THADA: variants seen among roughly 807,000 people sequenced by gnomAD.
THADA encodes the protein THADA armadillo repeat containing, also known as tRNA (32-2'-O)-methyltransferase regulator THADA.
THADA carries 213 observed loss-of-function variants against 219.8 expected under a neutral mutation model. That is an observed-to-expected ratio of 0.97 (90% CI 0.87 to 1.09). THADA has a LOEUF of 1.09. Ranked by LOEUF, THADA falls within the 50% of genes least tolerant of loss-of-function variation. The pLI, the probability that THADA is intolerant of heterozygous loss-of-function variation, is 0.00. For synonymous variants in THADA, 1,018 were observed against 828.9 expected, an observed-to-expected ratio of 1.23 and a Z score of -3.92; for missense variants, 2,956 against 2,311.3, an observed-to-expected ratio of 1.28 and a Z score of -5.72.
intron 31 of THADA, among the ~76,000 whole-genome samples, chr2:43,293,520 C>A (rs1005316015): frequency 1.4e-4 from 21 of 152,134 alleles, no homozygotes; most frequent in Admixed American, 6.5e-5. Context: ...CACCGAGCCT[C>A]AAAGCTGACC....
At chr2:43,265,761 C>T (rs1354063752) in intron 36 of THADA, among the ~76,000 whole-genome samples, 1 of 152,170 alleles carries the variant, frequency 6.6e-6, no homozygotes, top group Non-Finnish European at 1.5e-5. Context: ...CGAATCTCTT[C>T]TGTCAGTTTC....
At chr2:43,245,060 C>G (rs1668993455) in intron 36 of THADA, among the ~76,000 whole-genome samples, 2 of 152,206 alleles carry the variant, frequency 1.3e-5, no homozygotes, top group South Asian at 4.1e-4. Flanking sequence ...AGGACACATT[C>G]CACATTCCTC....
intron 36 of THADA, among the ~76,000 whole-genome samples, chr2:43,277,951 CTTTTT>C (rs761803232): frequency 1.5e-5 from 2 of 134,462 alleles, no homozygotes; most frequent in Non-Finnish European, 1.6e-5. Context: ...CAATATTGTT[CTTTTT>C]TTTTTTTTTT....
At chr2:43,383,109 G>C (rs957640974) in intron 29 of THADA, among the ~76,000 whole-genome samples, 1 of 152,120 alleles carries the variant, frequency 6.6e-6, no homozygotes, top group African/African-American at 2.4e-5. Context: ...TATGGGATGG[G>C]ACTAAAATGG....
chr2:43,578,562 A>G lies in THADA; in HGVS notation c.767T>C (p.Ile256Thr), dbSNP rs1361514196. Residue 256 changes from isoleucine (I) to threonine (T), a missense_variant, in exon 9 of 38, where the codon ATT becomes ACT. Transcript: ENST00000405975. ...GTGAAACATAGTCTTAATAAAAAGA[A>G]TAATAGCTAATCCAGATGTGCTCTG... is the stretch of plus-strand genomic sequence containing the variant. ...TVQSTSGLAIILFIKTMFHPS... is the reference protein window; with the variant it reads ...TVQSTSGLAITLFIKTMFHPS... 1.2e-6 allele frequency: 2 copies of G among 1,612,988 alleles called. No individual in the cohort carries two copies. The highest frequency in any genetic ancestry group is 1.7e-6 in the Non-Finnish European group (2 of 1,179,234).
intron 31 of THADA, among the ~76,000 whole-genome samples, chr2:43,311,176 CAAAAA>C (rs375415765): frequency 8.1e-6 from 1 of 124,070 alleles, no homozygotes; most frequent in East Asian, 2.4e-4. Context: ...AACTCCGTCT[CAAAAA>C]AAAAAAAGAG....
At chr2:43,524,196 G>A (rs1255326488) in intron 22 of THADA, among the ~76,000 whole-genome samples, 1 of 152,196 alleles carries the variant, frequency 6.6e-6, no homozygotes, top group Non-Finnish European at 1.5e-5. Context: ...TCAGATTACA[G>A]AAAATTAACT....
chr2:43,357,889 G>A lies in THADA; in HGVS notation c.4228-13652C>T, dbSNP rs189904280. Among the ~76,000 whole-genome samples, 37 of 152,246 alleles carry A rather than the reference G, an allele frequency of 2.4e-4. No individual in the cohort carries two copies. In the East Asian group the frequency reaches 6.9e-3, roughly 29 times the overall value. ...ATTTAGAAAGTTTTACAGTAGAAAT[G>A]CATTACTTTTCAATTTTTTTCAAGT... On this transcript the variant is annotated intron_variant, in intron 29 of 37. Coordinates refer to ENST00000405975, the MANE Select transcript of THADA (RefSeq NM_022065.5).
intron 30 of THADA, among the ~76,000 whole-genome samples, chr2:43,322,646 T>C (rs1043674106): frequency 2.0e-5 from 3 of 149,088 alleles, no homozygotes; most frequent in South Asian, 2.1e-4. Context: ...TACTACTTTC[T>C]AGCATATCCT....
intron 26 of THADA, among the ~76,000 whole-genome samples, chr2:43,448,040 C>A (rs149430640): frequency 1.4e-4 from 21 of 152,098 alleles, no homozygotes; most frequent in Non-Finnish European, 2.8e-4. Flanking sequence ...TTTTCCAAAT[C>A]TTTAAAGCAA....
chr2:43,464,862 T>C (rs1236692952), intron 26 of THADA, among the ~76,000 whole-genome samples: 4 of 152,096 alleles, frequency 2.6e-5, no homozygotes, highest in Admixed American at 2.6e-4. Context: ...GACTTCTGCT[T>C]GCTTAATTCT....
chr2:43,530,841 G>A (rs926633529), intron 21 of THADA, among the ~76,000 whole-genome samples: 2 of 151,686 alleles, frequency 1.3e-5, no homozygotes, highest in African/African-American at 2.4e-5. Flanking sequence ...TCTTCTCAAG[G>A]ATGGACCTCA....
At chr2:43,340,082 C>G (rs528853228) in intron 30 of THADA, among the ~76,000 whole-genome samples, 1 of 152,200 alleles carries the variant, frequency 6.6e-6, no homozygotes, top group Non-Finnish European at 1.5e-5. Flanking sequence ...ACTCTCATTT[C>G]GTTTCTGGTC....
At chr2:43,408,219 C>T (rs149519786) in intron 28 of THADA, 2 of 152,340 alleles carry the variant, frequency 1.3e-5, no homozygotes, top group East Asian at 1.9e-4. Flanking sequence ...TCCACAAATG[C>T]TGTGGCAGTG....
rs1431796263 is a variant in THADA, at chr2:43,231,140, T to G, written c.5670A>C (p.Pro1890=). The change falls in exon 38 of 38, where the codon CCA becomes CCC. Residue 1890 remains proline (P), a synonymous_variant. Transcript: ENST00000405975. ...CTGTCTTCACAAACTCAGCAGCTGG[T>G]GGAAGCTCTCTGAAGAACTGAGACA... is the stretch of plus-strand genomic sequence containing the variant. ...HLLSQFFREL[P]PAAEFVKTVE... 6.2e-7 allele frequency: 1 copy of G among 1,613,854 alleles called. No individual in the cohort carries two copies. The highest frequency in any genetic ancestry group is 1.7e-5 in the Admixed American group (1 of 59,998).
chr2:43,427,139 C>T (rs945229046), intron 28 of THADA, among the ~76,000 whole-genome samples: 4 of 152,130 alleles, frequency 2.6e-5, no homozygotes, highest in Non-Finnish European at 5.9e-5. Flanking sequence ...GAATTCATGC[C>T]ACATGGCATT....
At chr2:43,404,439 C>T (rs1429428354) in intron 28 of THADA, among the ~76,000 whole-genome samples, 1 of 151,202 alleles carries the variant, frequency 6.6e-6, no homozygotes, top group Non-Finnish European at 1.5e-5. Flanking sequence ...GTGCTCCTCC[C>T]ACTCTGGCAT....
chr2:43,278,279 A>G (rs890411879), intron 36 of THADA, among the ~76,000 whole-genome samples: 1 of 152,110 alleles, frequency 6.6e-6, no homozygotes, highest in African/African-American at 2.4e-5. Flanking sequence ...GTTCTGATCA[A>G]TCAATTGCCT....
At chr2:43,309,462 T>G (rs995800544) in intron 31 of THADA, among the ~76,000 whole-genome samples, 1 of 152,126 alleles carries the variant, frequency 6.6e-6, no homozygotes, top group Non-Finnish European at 1.5e-5. Flanking sequence ...TAAATTAGTA[T>G]AAACAAGCCA....
Sources: gnomAD v4.1 joint callset for allele counts (sites outside exome capture counted in the v4.1 genomes callset) on GRCh38, gnomAD v4.1.1 for gene constraint, MANE v1.5 for transcripts, NCBI Gene and HGNC (gene_info 2026-07-23, HGNC 2026-07-21) for gene names.